The following CDH13 variants were observed in gnomAD, a reference collection of about 807,000 sequenced individuals.
CDH13 encodes the protein cadherin 13.
A neutral mutation model predicts 63.8 loss-of-function variants in CDH13; 24 were observed. The ratio of observed to expected loss-of-function variants is 0.38; its 90% CI spans 0.27 to 0.53. The LOEUF is 0.53. Ranked by LOEUF, CDH13 falls within the 20% of genes least tolerant of loss-of-function variation. The pLI, the probability that CDH13 is intolerant of heterozygous loss-of-function variation, is 0.85. For missense variants in CDH13, 1,049 were observed against 903.1 expected, an observed-to-expected ratio of 1.16 and a Z score of -2.07; for synonymous variants, 503 against 355.3, an observed-to-expected ratio of 1.42 and a Z score of -4.67.
At chr16:82,681,397 A>G (rs114685107) in intron 1 of CDH13, among the ~76,000 whole-genome samples, 1,711 of 152,250 alleles carry the variant, frequency 0.011, 24 homozygotes, top group African/African-American at 0.034. Context: ...CCATTTGGGG[A>G]GGTGGAAACG....
chr16:82,774,813 G>A (rs1370849727), intron 1 of CDH13, among the ~76,000 whole-genome samples: 1 of 152,154 alleles, frequency 6.6e-6, no homozygotes, highest in Non-Finnish European at 1.5e-5. Flanking sequence ...CCCTGGTCAG[G>A]GTGTGTTCCT....
At chr16:83,369,100 C>G (rs1483152880) in intron 6 of CDH13, among the ~76,000 whole-genome samples, 1 of 151,224 alleles carries the variant, frequency 6.6e-6, no homozygotes, top group Non-Finnish European at 1.5e-5. Context: ...ATTGCTGGAT[C>G]AAACAGTAGG....
chr16:82,959,401 A>G (rs1266438990), intron 2 of CDH13, among the ~76,000 whole-genome samples: 1 of 152,068 alleles, frequency 6.6e-6, no homozygotes. Context: ...TTTATGACAA[A>G]ATTTGTGGCT....
intron 7 of CDH13, among the ~76,000 whole-genome samples, chr16:83,585,413 G>A (rs1906048951): frequency 6.6e-6 from 1 of 152,186 alleles, no homozygotes; most frequent in African/African-American, 2.4e-5. Flanking sequence ...GGGTGTGGGA[G>A]AGGAGGCTTG....
chr16:83,655,275 T>G (rs1358764977), intron 8 of CDH13: 1 of 152,250 alleles, frequency 6.6e-6, no homozygotes, highest in South Asian at 2.1e-4. Flanking sequence ...CGGTAAGAGT[T>G]TGATCTGCAC....
At chr16:82,998,234 A>G (rs1912466477) in intron 2 of CDH13, among the ~76,000 whole-genome samples, 1 of 152,246 alleles carries the variant, frequency 6.6e-6, no homozygotes. Context: ...ACTATTTTCT[A>G]AAACGCATTA....
Position 83,579,703 on chromosome 16 carries a change from TC to T in CDH13, c.961-22748del, listed in dbSNP as rs1166063158. Among the ~76,000 whole-genome samples, 3 of 152,220 alleles carry T rather than the reference TC, an allele frequency of 2.0e-5. No individual in the cohort carries two copies. In the East Asian group the frequency reaches 5.8e-4, roughly 29 times the overall value. Reference sequence around the variant, plus strand: ...ACAAGTGCGTATTCAGCACCTGTCATCCCTGGAGCTGTACTGATGTGAATGG... The same window carrying T: ...ACAAGTGCGTATTCAGCACCTGTCATCCTGGAGCTGTACTGATGTGAATGG... On this transcript the variant is annotated intron_variant, in intron 7 of 13. Transcript: ENST00000567109.
chr16:83,585,483 G>A (rs1431626876), intron 7 of CDH13, among the ~76,000 whole-genome samples: 1 of 152,104 alleles, frequency 6.6e-6, no homozygotes, highest in African/African-American at 2.4e-5. Context: ...GTGCTTGGCT[G>A]GGGAGCTGCT....
chr16:83,369,576 G>A (rs1033683875), intron 6 of CDH13, among the ~76,000 whole-genome samples: 4 of 152,020 alleles, frequency 2.6e-5, no homozygotes, highest in African/African-American at 9.7e-5. Context: ...GCACCACCAG[G>A]CCCTGCCAAT....
chr16:83,587,946 CTT>C (rs72005662), intron 7 of CDH13, among the ~76,000 whole-genome samples: 16 of 144,798 alleles, frequency 1.1e-4, no homozygotes, highest in African/African-American at 3.6e-4. Flanking sequence ...TCTTATACCT[CTT>C]TTTTTTTTTT....
chr16:83,298,102 G>T (rs2089646749), intron 5 of CDH13, among the ~76,000 whole-genome samples: 1 of 151,602 alleles, frequency 6.6e-6, no homozygotes, highest in South Asian at 2.1e-4. Context: ...AATTAGCCAG[G>T]TGCAGGGGTA....
chr16:82,658,549 C>T (rs1003407769), intron 1 of CDH13, among the ~76,000 whole-genome samples: 1 of 152,188 alleles, frequency 6.6e-6, no homozygotes, highest in African/African-American at 2.4e-5. Flanking sequence ...ATTGCACCTC[C>T]GTTGCTTATT....
chr16:83,560,908 C>A (rs1044472656), intron 7 of CDH13, among the ~76,000 whole-genome samples: 1 of 151,962 alleles, frequency 6.6e-6, no homozygotes, highest in Non-Finnish European at 1.5e-5. Context: ...GGCCCCCCCC[C>A]CGCCCCAGGG....
intron 6 of CDH13, among the ~76,000 whole-genome samples, chr16:83,441,393 T>A (rs1394191969): frequency 1.3e-5 from 2 of 152,348 alleles, no homozygotes; most frequent in East Asian, 1.9e-4. Flanking sequence ...TTAATCTATA[T>A]CTATGTTAAA....
intron 3 of CDH13, among the ~76,000 whole-genome samples, chr16:83,061,413 A>C (rs576600508): frequency 6.6e-6 from 1 of 152,184 alleles, no homozygotes; most frequent in African/African-American, 2.4e-5. Context: ...TTTCCAAAAT[A>C]GTTTCCTGGT....
intron 6 of CDH13, among the ~76,000 whole-genome samples, chr16:83,467,810 A>G (rs1447993036): frequency 1.3e-5 from 2 of 152,244 alleles, no homozygotes; most frequent in African/African-American, 4.8e-5. Flanking sequence ...CACTAACCAA[A>G]CAAGGACAAT....
intron 2 of CDH13, among the ~76,000 whole-genome samples, chr16:82,891,758 G>C (rs927109942): frequency 6.6e-6 from 1 of 152,098 alleles, no homozygotes; most frequent in Non-Finnish European, 1.5e-5. Context: ...GTTTCCATAG[G>C]ACCAGGCAAC....
intron 3 of CDH13, among the ~76,000 whole-genome samples, chr16:83,070,843 C>T (rs2032375651): frequency 7.6e-6 from 1 of 131,346 alleles, no homozygotes; most frequent in African/African-American, 3.0e-5. Context: ...GGTTATACTA[C>T]AGTAATAAAC....
intron 9 of CDH13, among the ~76,000 whole-genome samples, chr16:83,673,599 A>G (rs898341369): frequency 6.6e-6 from 1 of 152,224 alleles, no homozygotes; most frequent in Non-Finnish European, 1.5e-5. Flanking sequence ...AAGAAAAAAA[A>G]GAAAAACCAG....
Sources: gnomAD v4.1 joint callset for allele counts (sites outside exome capture counted in the v4.1 genomes callset) on GRCh38, gnomAD v4.1.1 for gene constraint, MANE v1.5 for transcripts, NCBI Gene and HGNC (gene_info 2026-07-23, HGNC 2026-07-21) for gene names.